The following PTPRN2 variants were observed in gnomAD, a reference collection of about 807,000 sequenced individuals.
The protein encoded by PTPRN2 is protein tyrosine phosphatase receptor type N2.
In PTPRN2, 74 loss-of-function variants were observed where a neutral mutation model predicts 118.8. The ratio of observed to expected loss-of-function variants is 0.62; its 90% CI spans 0.52 to 0.76. PTPRN2 has a LOEUF of 0.76. PTPRN2 is among the 30% of genes least tolerant of loss of function. The pLI, the probability that PTPRN2 is intolerant of heterozygous loss-of-function variation, is 0.00. For synonymous variants in PTPRN2, 641 were observed against 608.0 expected (o/e 1.05, Z -0.80); for missense variants, 1,481 against 1,394.4 (o/e 1.06, Z -0.99).
intron 2 of PTPRN2, among the ~76,000 whole-genome samples, chr7:158,361,219 C>T (rs1210410044): frequency 1.1e-4 from 1 of 8,700 alleles, no homozygotes; most frequent in Non-Finnish European, 2.4e-4. Context: ...ACAGACCCCG[C>T]GTCCACCCTC....
At chr7:157,720,286 G>T (rs552038662) in intron 12 of PTPRN2, among the ~76,000 whole-genome samples, 1 of 152,130 alleles carries the variant, frequency 6.6e-6, no homozygotes, top group African/African-American at 2.4e-5. Context: ...CCATCATGCC[G>T]CGGTGACACT....
intron 1 of PTPRN2, among the ~76,000 whole-genome samples, chr7:158,502,408 G>A (rs1009081178): frequency 1.3e-5 from 2 of 152,238 alleles, no homozygotes; most frequent in African/African-American, 2.4e-5. Flanking sequence ...CTGACTTGGA[G>A]AAATGGGCAG....
chr7:158,579,232 A>C (rs1309540839), intron 1 of PTPRN2, among the ~76,000 whole-genome samples: 1 of 152,174 alleles, frequency 6.6e-6, no homozygotes, highest in African/African-American at 2.4e-5. Flanking sequence ...AAATGATATT[A>C]CTCTTTAAAA....
At chr7:157,984,377 C>CCAT (rs758782037) in intron 11 of PTPRN2, among the ~76,000 whole-genome samples, 280 of 12,556 alleles carry the variant, frequency 0.022, 46 homozygotes, top group Middle Eastern at 0.067. Context: ...AGGCTCCACC[C>CCAT]CCCACGCCAG....
chr7:158,072,095 G>GTAGTATGGAGGTGCTCT (rs1811970722), intron 11 of PTPRN2, among the ~76,000 whole-genome samples: 1 of 126,660 alleles, frequency 7.9e-6, no homozygotes, highest in Non-Finnish European at 1.8e-5. Flanking sequence ...GGAGGTGCTC[G>GTAGTATGGAGGTGCTCT]TAGTATGGAG....
chr7:157,780,278 C>A lies in PTPRN2; in HGVS notation c.1789-97341G>T, dbSNP rs146533294. The stretch of plus-strand genomic sequence containing the variant: ...CCCTTGCTCCTTACACACGGCCTTC[C>A]CACTCCCAGCTAACACCTGAAATAG... On this transcript the variant is annotated intron_variant, in intron 12 of 22. Coordinates refer to ENST00000389418, the MANE Select transcript of PTPRN2 (RefSeq NM_002847.5). This position sits in a 1 kb window ranked among gnomAD's most constrained non-coding sequence, Gnocchi z 4.5. Among the ~76,000 whole-genome samples, 310 of 152,292 alleles carry A rather than the reference C, an allele frequency of 2.0e-3. 1 individual carries two copies. Among genetic ancestry groups the A allele is most frequent in the African/African-American group, 6.9e-3 (286 of 41,564 alleles).
chr7:157,795,332 G>C (rs887292724), intron 12 of PTPRN2, among the ~76,000 whole-genome samples: 1 of 152,230 alleles, frequency 6.6e-6, no homozygotes, highest in African/African-American at 2.4e-5. Flanking sequence ...AGGCCCCCAG[G>C]AGCTGCAGCA....
At chr7:158,334,566 TCTCGCCCACA>T (rs1805209645) in intron 2 of PTPRN2, among the ~76,000 whole-genome samples, 1 of 101,190 alleles carries the variant, frequency 9.9e-6, no homozygotes, top group African/African-American at 3.7e-5. Flanking sequence ...CCATAAGAGC[TCTCGCCCACA>T]GAGGTCACTC....
intron 6 of PTPRN2, among the ~76,000 whole-genome samples, chr7:158,150,411 C>G (rs1402742160): frequency 6.6e-6 from 1 of 152,186 alleles, no homozygotes; most frequent in African/African-American, 2.4e-5. Flanking sequence ...TGTCCACCCT[C>G]AGCAGCTCGA....
At position 158,489,795 on chromosome 7, in the gene PTPRN2, AAC is replaced by A. The variant is rs748858548; in HGVS notation, c.113-12_113-11del. 2.5e-5 allele frequency: 39 copies of A among 1,570,470 alleles called. No individual in the cohort carries two copies. Among genetic ancestry groups the A allele is most frequent in the Non-Finnish European group, 3.4e-5 (39 of 1,158,426 alleles). On this transcript the variant is annotated splice_polypyrimidine_tract_variant and intron_variant, in intron 1 of 22. Coordinates refer to ENST00000389418, the MANE Select transcript of PTPRN2 (RefSeq NM_002847.5). ...TCCTCGAGCAGGCAGCCTGCGGGGA[AAC>A]AGAGAAGAGACGCGGTCAGCTGGAG... is the stretch of plus-strand genomic sequence containing the variant.
intron 9 of PTPRN2, among the ~76,000 whole-genome samples, chr7:158,123,772 T>C (rs1456244606): frequency 2.6e-5 from 4 of 152,232 alleles, no homozygotes; most frequent in African/African-American, 7.2e-5. Flanking sequence ...AAGGTCTATA[T>C]AGCGTCACCT....
intron 11 of PTPRN2, among the ~76,000 whole-genome samples, chr7:157,902,016 G>C (rs552168834): frequency 1.3e-5 from 2 of 152,192 alleles, no homozygotes; most frequent in Non-Finnish European, 2.9e-5. Flanking sequence ...TGTTTCCTTG[G>C]TTCTGGAGTG....
At chr7:157,976,920 G>A (rs2128823906) in intron 11 of PTPRN2, among the ~76,000 whole-genome samples, 1 of 151,992 alleles carries the variant, frequency 6.6e-6, no homozygotes, top group Admixed American at 6.5e-5. Flanking sequence ...GCCAGGCATA[G>A]TGGAAGAGAA....
chr7:158,346,658 T>G (rs1030668549), intron 2 of PTPRN2, among the ~76,000 whole-genome samples: 4 of 152,218 alleles, frequency 2.6e-5, no homozygotes, highest in African/African-American at 9.6e-5. Flanking sequence ...CTAGATGATA[T>G]GGTAGTTTGT....
At chr7:158,408,732 A>C (rs1461117165) in intron 2 of PTPRN2, among the ~76,000 whole-genome samples, 1 of 152,230 alleles carries the variant, frequency 6.6e-6, no homozygotes, top group Non-Finnish European at 1.5e-5. Context: ...GGACTACAGC[A>C]ATAACTAAGC....
At chr7:157,883,666 AAC>A (rs1796293474) in intron 12 of PTPRN2, among the ~76,000 whole-genome samples, 1 of 151,268 alleles carries the variant, frequency 6.6e-6, no homozygotes, top group African/African-American at 2.4e-5. Flanking sequence ...CAGAAACCAG[AAC>A]ACAACACCCC....
chr7:158,330,083 C>T (rs951352114), intron 2 of PTPRN2, among the ~76,000 whole-genome samples: 37 of 143,172 alleles, frequency 2.6e-4, no homozygotes, highest in African/African-American at 6.2e-4. Context: ...AGAGCTGACA[C>T]CTGCAGACGT....
chr7:158,362,560 C>G (rs1475433391), intron 2 of PTPRN2, among the ~76,000 whole-genome samples: 1 of 152,202 alleles, frequency 6.6e-6, no homozygotes, highest in East Asian at 1.9e-4. Context: ...AATTAGGTGT[C>G]CCCTCTGCAA....
At chr7:157,563,231 C>T (rs113655160) in intron 21 of PTPRN2, among the ~76,000 whole-genome samples, 29 of 139,190 alleles carry the variant, frequency 2.1e-4, no homozygotes, top group African/African-American at 6.9e-4. Flanking sequence ...AGCAGGACCA[C>T]GTGCTCCCGC....
Sources: allele counts gnomAD v4.1 joint callset (sites outside exome capture counted in the v4.1 genomes callset), GRCh38; gene constraint gnomAD v4.1.1; non-coding constraint Gnocchi (gnomAD v3.1); transcripts MANE v1.5; gene names NCBI Gene and HGNC (gene_info 2026-07-23, HGNC 2026-07-21).